The following SYT1 variants were observed in gnomAD, a reference collection of about 807,000 sequenced individuals.
SYT1 encodes the protein synaptotagmin 1.
A neutral mutation model predicts 44.8 loss-of-function variants in SYT1; 8 were observed. The ratio of observed to expected loss-of-function variants is 0.18; its 90% CI spans 0.10 to 0.32. The LOEUF is 0.32. Ranked by LOEUF, SYT1 falls within the 10% of genes least tolerant of loss-of-function variation. The pLI, the probability that SYT1 is intolerant of heterozygous loss-of-function variation, is 1.00. For missense variants in SYT1, 286 were observed against 509.3 expected, an observed-to-expected ratio of 0.56 and a Z score of 4.22; for synonymous variants, 154 against 188.8, an observed-to-expected ratio of 0.82 and a Z score of 1.51.
intron 3 of SYT1, among the ~76,000 whole-genome samples, chr12:79,077,370 A>C (rs552867806): frequency 3.6e-4 from 55 of 152,284 alleles, no homozygotes; most frequent in South Asian, 1.7e-3. Flanking sequence ...CCACACAGAG[A>C]TCTACCATTT....
chr12:79,011,689 A>C (rs1871419037), intron 2 of SYT1, among the ~76,000 whole-genome samples: 1 of 150,910 alleles, frequency 6.6e-6, no homozygotes, highest in Admixed American at 6.6e-5. Flanking sequence ...ACCTGTGACC[A>C]ATCACCATTT....
chr12:79,374,392 T>C (rs1408515004), intron 9 of SYT1, among the ~76,000 whole-genome samples: 1 of 152,222 alleles, frequency 6.6e-6, no homozygotes, highest in Non-Finnish European at 1.5e-5. Flanking sequence ...TGATATCATG[T>C]TGATTAAGTT....
chr12:79,281,153 T>C (rs1449850716), intron 4 of SYT1, among the ~76,000 whole-genome samples: 1 of 152,004 alleles, frequency 6.6e-6, no homozygotes, highest in Non-Finnish European at 1.5e-5. Context: ...CTAATGGATA[T>C]CTACCCAAAG....
intron 3 of SYT1, among the ~76,000 whole-genome samples, 175 bp from the exon 4 acceptor site, chr12:79,217,328 T>A (rs543815737): frequency 6.6e-6 from 1 of 152,338 alleles, no homozygotes; most frequent in South Asian, 2.1e-4. Context: ...AACTCTTCAC[T>A]CGCTGTGGTT....
chr12:79,051,797 T>C (rs1874514180), intron 3 of SYT1, among the ~76,000 whole-genome samples: 2 of 152,164 alleles, frequency 1.3e-5, no homozygotes, highest in African/African-American at 4.8e-5. Flanking sequence ...CCTTTCCCCA[T>C]TGCTTGTTTT....
intron 1 of SYT1, among the ~76,000 whole-genome samples, chr12:78,880,017 T>G (rs1017994814): frequency 6.6e-6 from 1 of 151,804 alleles, no homozygotes; most frequent in African/African-American, 2.4e-5. Flanking sequence ...TCAGAATCAC[T>G]CAGAACTTTG....
chr12:78,901,448 T>C (rs1054550028), intron 1 of SYT1, among the ~76,000 whole-genome samples: 1 of 152,078 alleles, frequency 6.6e-6, no homozygotes, highest in Non-Finnish European at 1.5e-5. Flanking sequence ...TCAAAAGGGA[T>C]TGGAGACAGC....
intron 3 of SYT1, among the ~76,000 whole-genome samples, chr12:79,076,945 C>T (rs549218297): frequency 6.6e-6 from 1 of 152,172 alleles, no homozygotes; most frequent in Non-Finnish European, 1.5e-5. Flanking sequence ...TTTAGCCTGT[C>T]TTCCTTCCTA....
At chr12:79,203,799 C>T (rs554746875) in intron 3 of SYT1, among the ~76,000 whole-genome samples, 1 of 152,266 alleles carries the variant, frequency 6.6e-6, no homozygotes, top group Admixed American at 6.5e-5. Flanking sequence ...TGGCACACAA[C>T]AGAAGGTAGA....
At chr12:79,205,639 A>G (rs1223772892) in intron 3 of SYT1, among the ~76,000 whole-genome samples, 1 of 152,190 alleles carries the variant, frequency 6.6e-6, no homozygotes, top group Non-Finnish European at 1.5e-5. Context: ...GATTTTCTGT[A>G]TATCACTTTA....
intron 8 of SYT1, among the ~76,000 whole-genome samples, chr12:79,343,294 G>A (rs1350821041): frequency 2.6e-5 from 4 of 152,220 alleles, no homozygotes; most frequent in African/African-American, 7.2e-5. Flanking sequence ...ATTTGGCTGT[G>A]CAAAGGAGCA....
intron 3 of SYT1, among the ~76,000 whole-genome samples, chr12:79,097,271 C>T (rs1416610606): frequency 4.6e-5 from 7 of 152,010 alleles, no homozygotes; most frequent in Non-Finnish European, 1.0e-4. Context: ...TATTCCCTTA[C>T]TGCAGTAGTC....
chr12:78,917,439 C>G (rs1205924608), intron 1 of SYT1, among the ~76,000 whole-genome samples: 1 of 151,866 alleles, frequency 6.6e-6, no homozygotes, highest in African/African-American at 2.4e-5. Flanking sequence ...AGAAGGGGAA[C>G]ATCACACACT....
At chr12:79,191,617 A>G (rs189385677) in intron 3 of SYT1, among the ~76,000 whole-genome samples, 163 of 152,304 alleles carry the variant, frequency 1.1e-3, no homozygotes, top group Non-Finnish European at 1.7e-3. Flanking sequence ...TCATTATGCC[A>G]GGATGACTAG....
rs530229076 is a variant in SYT1 at position 79,070,768 on chromosome 12, G to A, written c.-18+23406G>A. Among the ~76,000 whole-genome samples, 3 of 152,108 alleles carry A rather than the reference G, an allele frequency of 2.0e-5. No individual in the cohort carries two copies. The East Asian group carries it at 5.8e-4, about 29-fold the overall frequency. ...GCAAGGCTGAACAACTACCTATTGG[G>A]TACTATGCTTACTACCTGAGTGACA... is the stretch of plus-strand genomic sequence containing the variant. On this transcript the variant is annotated intron_variant, in intron 3 of 10. Transcript: ENST00000261205.
At chr12:79,411,165 A>T (rs1868404915) in intron 9 of SYT1, among the ~76,000 whole-genome samples, 1 of 152,176 alleles carries the variant, frequency 6.6e-6, no homozygotes. Flanking sequence ...ATCACAAGGA[A>T]CCTAAGCTGC....
At chr12:78,932,144 A>T (rs1180693176) in intron 1 of SYT1, among the ~76,000 whole-genome samples, 1 of 152,218 alleles carries the variant, frequency 6.6e-6, no homozygotes, top group African/African-American at 2.4e-5. Flanking sequence ...AATAAATTTC[A>T]TTCTTCCCCT....
rs182695255 is a variant in SYT1, at chr12:79,094,406, A to T, written c.-18+47044A>T. On this transcript the variant is annotated intron_variant, in intron 3 of 10. Coordinates refer to ENST00000261205, the MANE Select transcript of SYT1 (RefSeq NM_005639.3). ...TTAAAAGTATTTAATTCATAAGAAC[A>T]AATTTTTCTTTAAGCCAATTTGAAA... Among the ~76,000 whole-genome samples, 308 of 152,006 alleles carry T rather than the reference A, an allele frequency of 2.0e-3. 2 individuals carry two copies. The highest frequency in any genetic ancestry group is 1.4e-3 in the Non-Finnish European group (94 of 67,850).
At chr12:78,919,979 A>G (rs1876886613) in intron 1 of SYT1, among the ~76,000 whole-genome samples, 1 of 151,840 alleles carries the variant, frequency 6.6e-6, no homozygotes, top group African/African-American at 2.4e-5. Flanking sequence ...CCAGCCTCAG[A>G]CACCATATAT....
Sources: gnomAD v4.1 joint callset for allele counts (sites outside exome capture counted in the v4.1 genomes callset) on GRCh38, gnomAD v4.1.1 for gene constraint, MANE v1.5 for transcripts, NCBI Gene and HGNC (gene_info 2026-07-23, HGNC 2026-07-21) for gene names.